AKAP9: variants seen among roughly 807,000 people sequenced by gnomAD.
AKAP9 encodes the protein A-kinase anchoring protein 9.
In AKAP9, 311 loss-of-function variants were observed where a neutral mutation model predicts 488.5. The ratio of observed to expected loss-of-function variants is 0.64; its 90% CI spans 0.58 to 0.70. The LOEUF (loss-of-function observed/expected upper bound fraction) is 0.70. Among genes scored for constraint, AKAP9 ranks in the 30% least tolerant of loss-of-function variants. The pLI is 0.00. For missense variants in AKAP9, 4,215 were observed against 4,374.5 expected, an observed-to-expected ratio of 0.96 and a Z score of 1.03; for synonymous variants, 1,462 against 1,483.5, an observed-to-expected ratio of 0.99 and a Z score of 0.33.
chr7:92,090,684 A>G (rs1815384782), intron 38 of AKAP9: 1 of 151,680 alleles, frequency 6.6e-6, no homozygotes, highest in Non-Finnish European at 1.5e-5. Context: ...TATCCATTCT[A>G]TTAATATGAT....
At chr7:92,109,749 G>A (rs901729118) in intron 49 of AKAP9, among the ~76,000 whole-genome samples, 13 of 152,138 alleles carry the variant, frequency 8.5e-5, no homozygotes, top group African/African-American at 1.7e-4. Context: ...CAACCAGTTC[G>A]AGACTAGCCT....
intron 3 of AKAP9, among the ~76,000 whole-genome samples, chr7:91,985,876 T>C: frequency 6.6e-6 from 1 of 152,220 alleles, no homozygotes; most frequent in East Asian, 1.9e-4. Context: ...CTCGAACTCC[T>C]GACCTCTTGA....
In AKAP9 at chr7:92,052,429, A is replaced by T. The variant is rs1031818716; in HGVS notation, c.5369-297A>T. Among the ~76,000 whole-genome samples the T allele has an allele frequency of 2.6e-5, 4 of 152,120 alleles. No homozygotes were observed. The East Asian group carries it at 7.7e-4, about 29-fold the overall frequency. Reference sequence around the variant, plus strand: ...ACTTAGCAAACTCCACATAGTGGACATGTAGTAAATTTCTGTTGAAAGGTA... The same window carrying T: ...ACTTAGCAAACTCCACATAGTGGACTTGTAGTAAATTTCTGTTGAAAGGTA... On this transcript the variant is annotated intron_variant, in intron 21 of 49. Coordinates refer to ENST00000356239, the MANE Select transcript of AKAP9 (RefSeq NM_005751.5).
At chr7:91,989,647 C>CT (rs2130625245) in intron 3 of AKAP9, among the ~76,000 whole-genome samples, 2 of 152,046 alleles carry the variant, frequency 1.3e-5, no homozygotes, top group African/African-American at 4.8e-5. Context: ...TAACCAAGTG[C>CT]TTATATGGTT....
chr7:92,102,807 G>C lies in AKAP9; in HGVS notation c.11311G>C (p.Val3771Leu). 1 of 1,614,116 alleles carries C rather than the reference G, an allele frequency of 6.2e-7. No individual in the cohort carries two copies. The highest frequency in any genetic ancestry group is 8.5e-7 in the Non-Finnish European group (1 of 1,180,014). The change falls in exon 46 of 50, where the codon GTA becomes CTA. Residue 3771 changes from valine to leucine, a missense_variant. By Grantham distance (32) the Val-to-Leu change is conservative (BLOSUM62 1). Coordinates refer to ENST00000356239, the MANE Select transcript of AKAP9 (RefSeq NM_005751.5). ...GFTRFRSAVR[V>L]SIAISRMKFL... is the part of the protein sequence containing the mutation. The stretch of plus-strand genomic sequence containing the variant: ...CACCAGGTTTCGGTCGGCCGTCAGA[G>C]TATCCATTGCAATTTCCAGGTAAAG...
At chr7:91,981,707 C>A in intron 3 of AKAP9, among the ~76,000 whole-genome samples, 1 of 147,102 alleles carries the variant, frequency 6.8e-6, no homozygotes, top group African/African-American at 2.5e-5. Context: ...CCTCCTGGAT[C>A]TAAGCAATTC....
intron 14 of AKAP9, among the ~76,000 whole-genome samples, chr7:92,026,646 C>A (rs6979647): frequency 0.014 from 2,189 of 152,290 alleles, 44 homozygotes; most frequent in African/African-American, 0.05. Flanking sequence ...TCAATGTTGC[C>A]CAGGCTGGAG....
intron 7 of AKAP9, among the ~76,000 whole-genome samples, chr7:91,996,720 G>A (rs553066828): frequency 1.3e-5 from 2 of 152,296 alleles, no homozygotes; most frequent in East Asian, 3.9e-4. Context: ...TACAAAGAAT[G>A]AGGATGGATT....
At chr7:91,984,854 G>A (rs1383466133) in intron 3 of AKAP9, among the ~76,000 whole-genome samples, 1 of 151,524 alleles carries the variant, frequency 6.6e-6, no homozygotes, top group African/African-American at 2.4e-5. Context: ...CACATCCCTT[G>A]TAAGTTGGAT....
intron 28 of AKAP9, among the ~76,000 whole-genome samples, chr7:92,072,227 T>C (rs754738578): frequency 6.6e-6 from 1 of 152,162 alleles, no homozygotes; most frequent in Non-Finnish European, 1.5e-5. Context: ...CTAATAACTG[T>C]CTACCTTTTA....
chr7:91,950,142 A>G (rs1161620998), intron 1 of AKAP9, among the ~76,000 whole-genome samples: 2 of 152,050 alleles, frequency 1.3e-5, no homozygotes, highest in Non-Finnish European at 2.9e-5. Context: ...TTAGTACTGA[A>G]CACACTATAA....
intron 30 of AKAP9, among the ~76,000 whole-genome samples, chr7:92,078,681 T>C (rs1813022101): frequency 6.6e-6 from 1 of 152,188 alleles, no homozygotes; most frequent in South Asian, 2.1e-4. Flanking sequence ...AAAGGCTCTG[T>C]GACTTAGATT....
chr7:92,041,813 A>G (rs1453422500), intron 18 of AKAP9: 5 of 396,680 alleles, frequency 1.3e-5, no homozygotes, highest in Non-Finnish European at 2.2e-5. Context: ...AAAATTGACA[A>G]AAATTAATTG....
rs1238180819 is a variant in AKAP9 at position 91,941,020 on chromosome 7, C to T, written c.-80C>T. ...CTAGGCCGTGGAGCTTGCCGTCCCA[C>T]CTCCGTCCAAATCGACCTTTCCTTT... On this transcript the variant is annotated 5_prime_UTR_variant, in exon 1 of 50. Coordinates refer to ENST00000356239, the MANE Select transcript of AKAP9 (RefSeq NM_005751.5). The T allele has an allele frequency of 9.1e-6, 13 of 1,434,806 alleles. No homozygotes were observed. The highest frequency in any genetic ancestry group is 1.4e-5 in the African/African-American group (1 of 71,190). The allele number at this position is 1,434,806 out of a possible 1,614,324, so 88.9% of individuals were successfully genotyped here.
chr7:92,002,682 C>A lies in AKAP9; in HGVS notation c.2765C>A (p.Thr922Asn). 1 of 1,613,376 alleles carries A rather than the reference C, an allele frequency of 6.2e-7. No homozygotes were observed. Among genetic ancestry groups the A allele is most frequent in the Non-Finnish European group, 8.5e-7 (1 of 1,179,652 alleles). ...MKSSVFDEDKTFVAETLEMGE... is the reference protein window; with the variant it reads ...MKSSVFDEDKNFVAETLEMGE... ...AGTTCTGTCTTTGATGAAGACAAAACTTTTGTAGCAGAAACATTGGAAATG... is the reference window on the plus strand; with the variant it reads ...AGTTCTGTCTTTGATGAAGACAAAAATTTTGTAGCAGAAACATTGGAAATG... The change falls in exon 8 of 50, where the codon ACT becomes AAT. Residue 922 changes from threonine to asparagine, a missense_variant. Thr to Asn is a moderately conservative substitution (Grantham distance 65). This residue lies in a region of AKAP9 where 2,361 missense variants were observed against 2,430.0 expected (regional missense o/e 0.97). Transcript: ENST00000356239.
At chr7:92,107,498 G>A in intron 48 of AKAP9, 76 bp downstream of exon 48, 2 of 1,421,830 alleles carry the variant, frequency 1.4e-6, no homozygotes, top group East Asian at 2.3e-5. Flanking sequence ...CATTTTTAGG[G>A]CTTTGACTTC....
Position 92,079,995 on chromosome 7 carries a change from G to C in AKAP9, c.7862G>C (p.Ser2621Thr), listed in dbSNP as rs1290337696. 1 of 1,566,308 alleles carries C rather than the reference G, an allele frequency of 6.4e-7. No homozygotes were observed. Residue 2621 changes from serine to threonine, a missense_variant, in exon 31 of 50, where the codon AGT (serine) becomes ACT (threonine). Ser to Thr is a moderately conservative substitution (Grantham distance 58). Transcript: ENST00000356239. Reference sequence around the variant, plus strand: ...AGCCAGGTTGTTGAAATGCATACTAGTTTGATTTTAGAAAAAGAACAAGTA... The same window carrying C: ...AGCCAGGTTGTTGAAATGCATACTACTTTGATTTTAGAAAAAGAACAAGTA... ...LESQVVEMHT[S>T]LILEKEQVEI...
In AKAP9 at chr7:92,002,500, T is replaced by C. The variant is rs755817033; in HGVS notation, c.2583T>C (p.Tyr861=). ...SFAEKNFEVN[Y]QELQEEYACL... ...CTGAAAAAAACTTTGAAGTTAACTA[T>C]CAAGAGTTACAAGAGGAGTATGCTT... The change falls in exon 8 of 50, where the codon TAT becomes TAC. Residue 861 remains tyrosine (Y), a synonymous_variant. Coordinates refer to ENST00000356239, the MANE Select transcript of AKAP9 (RefSeq NM_005751.5). 1.9e-6 allele frequency: 3 copies of C among 1,611,046 alleles called. No individual in the cohort carries two copies. The South Asian group carries it at 3.3e-5, about 18-fold the overall frequency.
intron 47 of AKAP9, 72 bp downstream of exon 47, chr7:92,105,835 G>A: frequency 7.5e-7 from 1 of 1,333,664 alleles, no homozygotes; most frequent in Non-Finnish European, 1.1e-6. Context: ...CCCAGACTAT[G>A]GACCATACTT....
Sources: gnomAD v4.1 joint callset for allele counts (sites outside exome capture counted in the v4.1 genomes callset) on GRCh38, gnomAD v4.1.1 for gene constraint, gnomAD v4.1.1 regional missense constraint, MANE v1.5 for transcripts, NCBI Gene and HGNC (gene_info 2026-07-23, HGNC 2026-07-21) for gene names.